SUCLG2: variants seen among roughly 807,000 people sequenced by gnomAD.
SUCLG2 encodes succinate-CoA ligase GDP-forming subunit beta, also known as succinate--CoA ligase [GDP-forming] subunit beta, mitochondrial.
A neutral mutation model predicts 47.9 loss-of-function variants in SUCLG2; 42 were observed. The ratio of observed to expected loss-of-function variants is 0.88; its 90% CI spans 0.69 to 1.14. The LOEUF (loss-of-function observed/expected upper bound fraction) is 1.14. SUCLG2 is among the 50% of genes most tolerant of loss of function. The probability of loss-of-function intolerance (pLI) is 0.00; values close to 1 mark genes in which losing one functional copy is unlikely to be tolerated. For synonymous variants in SUCLG2, 195 were observed against 197.3 expected (o/e 0.99, Z 0.10); for missense variants, 571 against 525.9 (o/e 1.09, Z -0.84).
intron 1 of SUCLG2, among the ~76,000 whole-genome samples, chr3:67,651,172 T>G (rs1383617542): frequency 6.6e-6 from 1 of 152,194 alleles, no homozygotes; most frequent in Non-Finnish European, 1.5e-5. Context: ...ACAGGGGGCG[T>G]GTACAGTACA....
chr3:67,466,115 G>T (rs1159094934), intron 9 of SUCLG2, among the ~76,000 whole-genome samples: 2 of 152,084 alleles, frequency 1.3e-5, no homozygotes, highest in Non-Finnish European at 2.9e-5. Flanking sequence ...CACTTTGGGA[G>T]GCTGAGGCAG....
chr3:67,623,430 G>T (rs1007704874), intron 1 of SUCLG2, among the ~76,000 whole-genome samples: 5 of 152,198 alleles, frequency 3.3e-5, no homozygotes, highest in African/African-American at 1.2e-4. Flanking sequence ...GAACCCGAGA[G>T]GCGGTGCTTG....
At chr3:67,504,686 G>A (rs1443332159) in intron 7 of SUCLG2, among the ~76,000 whole-genome samples, 5 of 152,110 alleles carry the variant, frequency 3.3e-5, no homozygotes, top group African/African-American at 9.7e-5. Flanking sequence ...GACTAAAAAT[G>A]TTCCCTGGGG....
At chr3:67,538,884 C>G (rs1248905806) in intron 2 of SUCLG2, among the ~76,000 whole-genome samples, 2 of 152,136 alleles carry the variant, frequency 1.3e-5, no homozygotes, top group Non-Finnish European at 2.9e-5. Context: ...TATAGGAATG[C>G]TTGTGATTTT....
At chr3:67,454,787 C>A (rs926800361) in intron 9 of SUCLG2, among the ~76,000 whole-genome samples, 1 of 152,044 alleles carries the variant, frequency 6.6e-6, no homozygotes, top group East Asian at 1.9e-4. Context: ...AAAGTGAAAC[C>A]CCATCTCTAC....
chr3:67,387,116 C>A (rs145986793), intron 10 of SUCLG2, among the ~76,000 whole-genome samples: 2 of 152,244 alleles, frequency 1.3e-5, no homozygotes, highest in African/African-American at 4.8e-5. Context: ...ATGAAAATGG[C>A]AGACACGCCA....
At chr3:67,370,738 G>T (rs376244801), downstream of SUCLG2, among the ~76,000 whole-genome samples, 277 of 152,242 alleles carry the variant, frequency 1.8e-3, 2 homozygotes, top group African/African-American at 6.2e-3. Context: ...TATGAATGTG[G>T]TCTCTCTCAA....
intron 9 of SUCLG2, among the ~76,000 whole-genome samples, chr3:67,406,966 G>T (rs374636465): frequency 1.3e-5 from 2 of 152,304 alleles, no homozygotes; most frequent in African/African-American, 4.8e-5. Flanking sequence ...ATGCAGGGCA[G>T]TTAGGAATAG....
At chr3:67,599,505 G>A (rs1423685183) in intron 2 of SUCLG2, among the ~76,000 whole-genome samples, 1 of 152,132 alleles carries the variant, frequency 6.6e-6, no homozygotes, top group African/African-American at 2.4e-5. Flanking sequence ...TGTTTATGAT[G>A]CTAATGGACA....
Position 67,616,935 on chromosome 3 carries a change from T to A in SUCLG2, c.85-7339A>T, listed in dbSNP as rs146939716. On this transcript the variant is annotated intron_variant, in intron 1 of 10. Coordinates refer to ENST00000307227, the MANE Select transcript of SUCLG2 (RefSeq NM_003848.4). ...AAACTCAGAGGAAAATATATTTCCC[T>A]CTCATTACAGGCATGGCAATGAAGG... Among the ~76,000 whole-genome samples, 967 of 152,322 alleles carry A rather than the reference T, an allele frequency of 6.3e-3. 2 individuals carry two copies. The highest frequency in any genetic ancestry group is 0.014 in the Middle Eastern group (4 of 294).
intron 2 of SUCLG2, among the ~76,000 whole-genome samples, chr3:67,535,032 C>T (rs1171333332): frequency 2.0e-5 from 3 of 151,956 alleles, no homozygotes; most frequent in Admixed American, 6.6e-5. Flanking sequence ...AGTAAAAATA[C>T]CTGTGTAACA....
At chr3:67,651,885 T>C (rs1157910408) in intron 1 of SUCLG2, among the ~76,000 whole-genome samples, 1 of 152,156 alleles carries the variant, frequency 6.6e-6, no homozygotes, top group African/African-American at 2.4e-5. Flanking sequence ...CCTGACTGAT[T>C]TTCTTCACAG....
intron 1 of SUCLG2, among the ~76,000 whole-genome samples, chr3:67,620,703 T>C (rs952950838): frequency 3.3e-5 from 5 of 150,922 alleles, no homozygotes; most frequent in African/African-American, 9.8e-5. Flanking sequence ...TGTGCAGAAA[T>C]CTGGAGACAG....
intron 2 of SUCLG2, among the ~76,000 whole-genome samples, chr3:67,553,924 T>A (rs190001233): frequency 4.7e-4 from 72 of 152,338 alleles, no homozygotes; most frequent in Admixed American, 2.0e-3. Flanking sequence ...TACTAATAAT[T>A]GATAAGCATT....
intron 9 of SUCLG2, 116 bp downstream of exon 9, chr3:67,495,682 C>G: frequency 3.8e-6 from 4 of 1,065,572 alleles, no homozygotes; most frequent in Non-Finnish European, 5.4e-6. Flanking sequence ...GAAGTTGCAT[C>G]TGGGGCTGCA....
At chr3:67,462,044 C>CAT (rs568466489) in intron 9 of SUCLG2, among the ~76,000 whole-genome samples, 6 of 152,144 alleles carry the variant, frequency 3.9e-5, no homozygotes, top group South Asian at 4.1e-4. Flanking sequence ...TATTATTTTA[C>CAT]ATATATATAT....
At chr3:67,442,604 T>C (rs977296478) in intron 9 of SUCLG2, among the ~76,000 whole-genome samples, 1 of 152,194 alleles carries the variant, frequency 6.6e-6, no homozygotes, top group Non-Finnish European at 1.5e-5. Flanking sequence ...TTTTCAGATA[T>C]GACCAAAGAC....
rs767584431 is a variant in SUCLG2, at chr3:67,509,450, T to C, written c.661-547A>G. Among the ~76,000 whole-genome samples, 12 of 152,130 alleles carry C rather than the reference T, an allele frequency of 7.9e-5. 1 individual carries two copies. Among genetic ancestry groups the C allele is most frequent in the Admixed American group, 2.6e-4 (4 of 15,274 alleles). ...GAACAGCACAAGTTCAAACTGAAAA[T>C]AGCTTGTCCCAAAGGCATTAACCAC... On this transcript the variant is annotated intron_variant, in intron 6 of 10. Transcript: ENST00000307227.
chr3:67,566,453 A>G (rs996565981), intron 2 of SUCLG2, among the ~76,000 whole-genome samples: 6 of 152,234 alleles, frequency 3.9e-5, no homozygotes, highest in African/African-American at 1.4e-4. Flanking sequence ...TGTGAAATAA[A>G]TCTATATGAA....
Sources: gnomAD v4.1 joint callset for allele counts (sites outside exome capture counted in the v4.1 genomes callset) on GRCh38, gnomAD v4.1.1 for gene constraint, MANE v1.5 for transcripts, NCBI Gene and HGNC (gene_info 2026-07-23, HGNC 2026-07-21) for gene names.